Variants in SLC4A10 observed in about 807,000 individuals in gnomAD.
The protein encoded by SLC4A10 is solute carrier family 4 member 10.
Under a neutral mutation model 137.7 loss-of-function variants are expected in SLC4A10, and 42 were observed. The ratio of observed to expected loss-of-function variants is 0.30; its 90% CI spans 0.24 to 0.39. The LOEUF (loss-of-function observed/expected upper bound fraction) is 0.39, where lower values mean the gene tolerates loss of function less well. SLC4A10 is among the 10% of genes least tolerant of loss of function. SLC4A10 has a pLI of 1.00. For synonymous variants in SLC4A10, 474 were observed against 464.1 expected (o/e 1.02, Z -0.27); for missense variants, 925 against 1,355.0 (o/e 0.68, Z 4.98).
intron 1 of SLC4A10, among the ~76,000 whole-genome samples, chr2:161,702,857 G>T (rs564960050): frequency 4.0e-5 from 6 of 151,850 alleles, no homozygotes; most frequent in Admixed American, 3.9e-4. Context: ...AAACAAGGAC[G>T]CTTTATTTAT....
chr2:161,888,961 C>T (rs1276683770), intron 10 of SLC4A10, among the ~76,000 whole-genome samples: 1 of 152,160 alleles, frequency 6.6e-6, no homozygotes, highest in Admixed American at 6.5e-5. Flanking sequence ...TATGTTCCAT[C>T]AATACCTAGT....
rs143163818 is a variant in SLC4A10 at position 161,741,331 on chromosome 2, T to TA, written c.49-29632dup. ...CCAACTGAGCTATCGAAGGCTCCGC[T>TA]AAAAAAAAAAGCACCTAAACTCTAC... On this transcript the variant is annotated intron_variant, in intron 1 of 26. Transcript: ENST00000446997. Among the ~76,000 whole-genome samples, 131 of 143,944 alleles carry TA rather than the reference T, an allele frequency of 9.1e-4. 1 individual carries two copies. Among genetic ancestry groups the TA allele is most frequent in the African/African-American group, 2.7e-3 (105 of 39,106 alleles). The allele number at this position is 143,944 out of a possible 152,430, so 94.4% of individuals were successfully genotyped here.
At chr2:161,694,040 G>C (rs937718697) in intron 1 of SLC4A10, among the ~76,000 whole-genome samples, 4 of 152,000 alleles carry the variant, frequency 2.6e-5, no homozygotes, top group African/African-American at 7.2e-5. Flanking sequence ...TCTCTTCAGA[G>C]ACAACTGACT....
intron 2 of SLC4A10, among the ~76,000 whole-genome samples, chr2:161,785,782 G>A (rs1241067543): frequency 6.6e-6 from 1 of 151,844 alleles, no homozygotes; most frequent in Non-Finnish European, 1.5e-5. Flanking sequence ...TCAGGAACAA[G>A]GCAAGGATGT....
chr2:161,763,170 CAG>C (rs926207106), intron 1 of SLC4A10, among the ~76,000 whole-genome samples: 2 of 151,704 alleles, frequency 1.3e-5, no homozygotes, highest in Non-Finnish European at 2.9e-5. Flanking sequence ...TTTTATGATC[CAG>C]AGTTTCTTCC....
intron 1 of SLC4A10, among the ~76,000 whole-genome samples, chr2:161,635,574 C>A (rs973168723): frequency 1.3e-5 from 2 of 152,078 alleles, no homozygotes; most frequent in African/African-American, 2.4e-5. Context: ...TCTGGTAAAG[C>A]CATGTTTCAT....
At chr2:161,644,002 T>C (rs1025877205) in intron 1 of SLC4A10, among the ~76,000 whole-genome samples, 14 of 152,052 alleles carry the variant, frequency 9.2e-5, no homozygotes, top group Non-Finnish European at 1.5e-4. Context: ...CCTGTCTCTT[T>C]ACCCTTCTTT....
intron 1 of SLC4A10, among the ~76,000 whole-genome samples, chr2:161,743,951 A>G (rs1010614726): frequency 6.6e-6 from 1 of 152,148 alleles, no homozygotes; most frequent in Non-Finnish European, 1.5e-5. Context: ...GTTGGCATAC[A>G]GAAAAACTAC....
chr2:161,792,636 G>T (rs1399800148), intron 2 of SLC4A10, among the ~76,000 whole-genome samples: 1 of 152,050 alleles, frequency 6.6e-6, no homozygotes, highest in African/African-American at 2.4e-5. Context: ...GCCTTCACAG[G>T]TTATCGCCTT....
At chr2:161,891,421 TTCAGGTACACCAATCAAACG>T (rs2062909969) in intron 10 of SLC4A10, among the ~76,000 whole-genome samples, 1 of 152,148 alleles carries the variant, frequency 6.6e-6, no homozygotes, top group Admixed American at 6.6e-5. Flanking sequence ...CCCCACCACT[TTCAGGTACACCAATCAAACG>T]TAGGTTTGGT....
At chr2:161,925,599 G>A (rs180693415) in intron 15 of SLC4A10, among the ~76,000 whole-genome samples, 195 of 152,160 alleles carry the variant, frequency 1.3e-3, no homozygotes, top group African/African-American at 4.5e-3. Flanking sequence ...GCTAGTTTTC[G>A]AAGGTGTTTG....
chr2:161,955,444 T>C lies in SLC4A10; in HGVS notation c.2542-1545T>C, dbSNP rs150703043. 1.9e-3 allele frequency among the ~76,000 whole-genome samples: 293 copies of C among 152,320 alleles called. 1 individual carries two copies. Among genetic ancestry groups the C allele is most frequent in the African/African-American group, 6.8e-3 (282 of 41,578 alleles). ...CAAAGAAAAGTTTCCAGAGTCATATTCATTCAGGAAATTGAGTTAGATATT... is the reference window on the plus strand; with the variant it reads ...CAAAGAAAAGTTTCCAGAGTCATATCCATTCAGGAAATTGAGTTAGATATT... On this transcript the variant is annotated intron_variant, in intron 19 of 26. Transcript: ENST00000446997.
intron 21 of SLC4A10, among the ~76,000 whole-genome samples, chr2:161,959,102 G>A (rs551910586): frequency 6.6e-6 from 1 of 152,274 alleles, no homozygotes; most frequent in Non-Finnish European, 1.5e-5. Context: ...TTGACCATAG[G>A]TTTATAAAGC....
chr2:161,797,739 A>G (rs548771427), intron 2 of SLC4A10, among the ~76,000 whole-genome samples: 2 of 152,226 alleles, frequency 1.3e-5, no homozygotes, highest in South Asian at 4.2e-4. Context: ...CTATCTCAAG[A>G]CACAAAGTTA....
At chr2:161,906,461 G>A (rs1451584780) in intron 15 of SLC4A10, among the ~76,000 whole-genome samples, 1 of 152,184 alleles carries the variant, frequency 6.6e-6, no homozygotes, top group Non-Finnish European at 1.5e-5. Flanking sequence ...GATTGAAGAT[G>A]TGATTGGATC....
chr2:161,733,362 G>C (rs539853228), intron 1 of SLC4A10, among the ~76,000 whole-genome samples: 28 of 152,280 alleles, frequency 1.8e-4, no homozygotes, highest in African/African-American at 6.3e-4. Flanking sequence ...ATAGCTCTCA[G>C]GCCATGGCTT....
chr2:161,879,248 G>A lies in SLC4A10; in HGVS notation c.1066G>A (p.Val356Ile), dbSNP rs534723058. 4.3e-5 allele frequency: 69 copies of A among 1,613,092 alleles called. No individual in the cohort carries two copies. In the East Asian group the frequency reaches 1.5e-3, roughly 34 times the overall value. ...TGCGTTTGTCAGGTTGTCTCCAGCT[G>A]TATTGCTTCAAGGACTGGCTGAAGT... is the stretch of plus-strand genomic sequence containing the variant. Reference protein sequence around the residue: ...VVAFVRLSPAVLLQGLAEVPI... With the variant: ...VVAFVRLSPAILLQGLAEVPI... The change falls in exon 9 of 27, where the codon GTA (valine) becomes ATA (isoleucine). Residue 356 changes from valine (V) to isoleucine (I), a missense_variant. This residue lies in a region of SLC4A10 where 277 missense variants were observed against 306.1 expected (regional missense o/e 0.90). Coordinates refer to ENST00000446997, the MANE Select transcript of SLC4A10 (RefSeq NM_001178015.2).
intron 15 of SLC4A10, among the ~76,000 whole-genome samples, chr2:161,912,186 T>A (rs1455592782): frequency 2.6e-5 from 4 of 152,160 alleles, no homozygotes; most frequent in Non-Finnish European, 4.4e-5. Context: ...TTCAACTATG[T>A]TACTCTTCGT....
At chr2:161,786,466 T>G (rs912957075) in intron 2 of SLC4A10, among the ~76,000 whole-genome samples, 4 of 151,930 alleles carry the variant, frequency 2.6e-5, no homozygotes, top group African/African-American at 9.7e-5. Context: ...TGTTAGCTAA[T>G]TGCTTTGTAG....
Sources: gnomAD v4.1 joint callset for allele counts (sites outside exome capture counted in the v4.1 genomes callset) on GRCh38, gnomAD v4.1.1 for gene constraint, gnomAD v4.1.1 regional missense constraint, MANE v1.5 for transcripts, NCBI Gene and HGNC (gene_info 2026-07-23, HGNC 2026-07-21) for gene names.